The following BICD1 variants were observed in gnomAD, a reference collection of about 807,000 sequenced individuals.
BICD1 encodes the protein protein bicaudal D homolog 1.
In BICD1, 35 loss-of-function variants were observed where a neutral mutation model predicts 92.5. That is an observed-to-expected ratio of 0.38 (90% CI 0.29 to 0.50). The LOEUF is 0.50. BICD1 is among the 20% of genes least tolerant of loss of function. The pLI, the probability that BICD1 is intolerant of heterozygous loss-of-function variation, is 0.93. For missense variants in BICD1, 950 were observed against 1,189.8 expected, an observed-to-expected ratio of 0.80 and a Z score of 2.97; for synonymous variants, 429 against 465.1, an observed-to-expected ratio of 0.92 and a Z score of 1.00.
rs546230116 is a variant in BICD1 at position 32,260,053 on chromosome 12, T to G, written c.427-33941T>G. 7.9e-5 allele frequency among the ~76,000 whole-genome samples: 12 copies of G among 152,104 alleles called. No homozygotes were observed. In the South Asian group the frequency reaches 2.5e-3, roughly 32 times the overall value. On this transcript the variant is annotated intron_variant, in intron 2 of 9. Coordinates refer to ENST00000652176, the MANE Select transcript of BICD1 (RefSeq NM_001714.4). ...GATTCTCCTGCCTCAGCCTCCCAAG[T>G]AGCTGGGATTACAGGCATGCACCAC...
chr12:32,218,836 AGTTTTT>A (rs1945433068), intron 2 of BICD1, among the ~76,000 whole-genome samples: 1 of 152,078 alleles, frequency 6.6e-6, no homozygotes, highest in Non-Finnish European at 1.5e-5. Flanking sequence ...TATAACCCTG[AGTTTTT>A]GTTTTTGTTT....
At chr12:32,309,680 C>T (rs530849308) in intron 4 of BICD1, among the ~76,000 whole-genome samples, 2 of 152,210 alleles carry the variant, frequency 1.3e-5, no homozygotes, top group South Asian at 4.2e-4. Context: ...CAGTTGCAGG[C>T]GTTGTAGGAA....
chr12:32,130,492 C>A (rs1215779574), intron 1 of BICD1, among the ~76,000 whole-genome samples: 1 of 152,122 alleles, frequency 6.6e-6, no homozygotes, highest in Non-Finnish European at 1.5e-5. Context: ...CGCCCGGCCC[C>A]AAAATTTTTA....
chr12:32,309,886 C>T (rs567076373), intron 4 of BICD1, among the ~76,000 whole-genome samples: 2 of 152,172 alleles, frequency 1.3e-5, no homozygotes, highest in South Asian at 4.2e-4. Flanking sequence ...CCCATTAACT[C>T]GTTATTTACA....
chr12:32,374,936 T>TTTTTTTTGGG (rs1939882661), intron 9 of BICD1, among the ~76,000 whole-genome samples: 1 of 118,022 alleles, frequency 8.5e-6, no homozygotes. Flanking sequence ...TTTTTTTTTT[T>TTTTTTTTGGG]GAGACGGAGT....
intron 1 of BICD1, among the ~76,000 whole-genome samples, chr12:32,192,499 A>G (rs900349952): frequency 2.6e-5 from 4 of 152,120 alleles, no homozygotes; most frequent in South Asian, 2.1e-4. Context: ...AAAAAAACCT[A>G]TTACTGATAT....
chr12:32,201,194 C>G (rs1411365802), intron 1 of BICD1, among the ~76,000 whole-genome samples: 1 of 152,152 alleles, frequency 6.6e-6, no homozygotes, highest in East Asian at 1.9e-4. Context: ...CAAGGCTTTC[C>G]TTCTCTGAGC....
intron 6 of BICD1, among the ~76,000 whole-genome samples, chr12:32,335,178 T>C (rs1938051221): frequency 6.7e-6 from 1 of 150,312 alleles, no homozygotes; most frequent in African/African-American, 2.5e-5. Context: ...TGAGACGGAG[T>C]CTTACTCTGT....
At chr12:32,347,435 C>T (rs1364206690) in intron 8 of BICD1, among the ~76,000 whole-genome samples, 2 of 151,100 alleles carry the variant, frequency 1.3e-5, no homozygotes, top group Non-Finnish European at 1.5e-5. Flanking sequence ...GTCAAGAGAT[C>T]GAGACCATCC....
chr12:32,298,957 G>A (rs1403630642), intron 3 of BICD1, among the ~76,000 whole-genome samples: 1 of 151,914 alleles, frequency 6.6e-6, no homozygotes, highest in Non-Finnish European at 1.5e-5. Flanking sequence ...CATTTAACCG[G>A]TATTTCAGGG....
chr12:32,291,663 T>G (rs1453959503), intron 2 of BICD1, among the ~76,000 whole-genome samples: 1 of 151,340 alleles, frequency 6.6e-6, no homozygotes, highest in African/African-American at 2.4e-5. Flanking sequence ...CATAGTGAAA[T>G]ACCATCTCTA....
intron 4 of BICD1, among the ~76,000 whole-genome samples, chr12:32,314,227 A>G: frequency 6.6e-6 from 1 of 152,210 alleles, no homozygotes; most frequent in East Asian, 1.9e-4. Context: ...TAAAGCTGCT[A>G]TGAACATTTG....
chr12:32,233,710 C>T (rs1371765707), intron 2 of BICD1, among the ~76,000 whole-genome samples: 1 of 152,172 alleles, frequency 6.6e-6, no homozygotes, highest in Non-Finnish European at 1.5e-5. Context: ...TTTTCTCCCA[C>T]CCTAAGTTCA....
intron 1 of BICD1, among the ~76,000 whole-genome samples, chr12:32,179,647 A>T (rs899925981): frequency 6.6e-6 from 1 of 151,968 alleles, no homozygotes; most frequent in African/African-American, 2.4e-5. Context: ...AGTAATAAGG[A>T]TTTTTAAAAA....
chr12:32,282,129 G>A (rs1468821261), intron 2 of BICD1, among the ~76,000 whole-genome samples: 2 of 150,452 alleles, frequency 1.3e-5, no homozygotes, highest in East Asian at 2.0e-4. Context: ...GTGTGAACAA[G>A]GAGAAAGAAA....
intron 1 of BICD1, among the ~76,000 whole-genome samples, chr12:32,215,953 CAAAAAAA>C (rs56005523): frequency 2.9e-5 from 2 of 67,904 alleles, no homozygotes; most frequent in East Asian, 5.4e-4. Flanking sequence ...GACTCCGTCT[CAAAAAAA>C]AAAAAAAAAA....
At position 32,377,532 on chromosome 12, in the gene BICD1, C is replaced by T. The variant is rs202204972; in HGVS notation, c.2841-8C>T. ...TTTCTTGCTGACGTGCTTGTTTCTCCTTTCCAGTCCTGACACAGCTCTCCC... is the reference window on the plus strand; with the variant it reads ...TTTCTTGCTGACGTGCTTGTTTCTCTTTTCCAGTCCTGACACAGCTCTCCC... On this transcript the variant is annotated splice_region_variant and splice_polypyrimidine_tract_variant and intron_variant, in intron 9 of 9. Coordinates refer to ENST00000652176, the MANE Select transcript of BICD1 (RefSeq NM_001714.4). The T allele has an allele frequency of 7.6e-5, 123 of 1,613,034 alleles. No homozygotes were observed. Among genetic ancestry groups the T allele is most frequent in the Non-Finnish European group, 8.6e-5 (101 of 1,179,162 alleles).
chr12:32,239,286 G>A (rs1230673470), intron 2 of BICD1, among the ~76,000 whole-genome samples: 2 of 149,006 alleles, frequency 1.3e-5, no homozygotes, highest in African/African-American at 4.9e-5. Flanking sequence ...GAAATTGTTG[G>A]CCGGGCGCTG....
chr12:32,140,216 A>G (rs1343433703), intron 1 of BICD1, among the ~76,000 whole-genome samples: 1 of 152,222 alleles, frequency 6.6e-6, no homozygotes, highest in East Asian at 1.9e-4. Flanking sequence ...TCCAAGAAGC[A>G]CCACATTTCC....
Sources: allele counts gnomAD v4.1 joint callset (sites outside exome capture counted in the v4.1 genomes callset), GRCh38; gene constraint gnomAD v4.1.1; transcripts MANE v1.5; gene names NCBI Gene and HGNC (gene_info 2026-07-23, HGNC 2026-07-21).